The following ETFA variants were observed in gnomAD, a reference collection of about 807,000 sequenced individuals.
The protein encoded by ETFA is electron transfer flavoprotein subunit alpha, mitochondrial.
ETFA carries 22 observed loss-of-function variants against 46.2 expected under a neutral mutation model. The ratio of observed to expected loss-of-function variants is 0.48; its 90% CI spans 0.34 to 0.68. The LOEUF (loss-of-function observed/expected upper bound fraction) is 0.68, where lower values mean the gene tolerates loss of function less well. ETFA is among the 30% of genes least tolerant of loss of function. ETFA has a pLI of 0.01. For missense variants in ETFA, 345 were observed against 401.1 expected (o/e 0.86, Z 1.19); for synonymous variants, 131 against 139.9 (o/e 0.94, Z 0.45).
intron 1 of ETFA, among the ~76,000 whole-genome samples, chr15:76,299,355 C>G (rs1301995769): frequency 6.6e-6 from 1 of 152,206 alleles, no homozygotes; most frequent in Non-Finnish European, 1.5e-5. Context: ...ACAATCACAG[C>G]TCTCTGCAGC....
intron 9 of ETFA, among the ~76,000 whole-genome samples, chr15:76,249,951 G>C (rs1247496734): frequency 6.6e-6 from 1 of 152,036 alleles, no homozygotes; most frequent in Non-Finnish European, 1.5e-5. Flanking sequence ...GTCAAAATCT[G>C]GTAAAGCTAG....
chr15:76,216,338 G>T lies in ETFA; in HGVS notation c.*221C>A. 1.9e-6 allele frequency: 1 copy of T among 530,648 alleles called. No individual in the cohort carries two copies. Among genetic ancestry groups the T allele is most frequent in the Non-Finnish European group, 3.3e-6 (1 of 301,458 alleles). The allele number at this position is 530,648 out of a possible 1,614,324, so 32.9% of individuals were successfully genotyped here. On this transcript the variant is annotated 3_prime_UTR_variant, in exon 12 of 12. Coordinates refer to ENST00000557943, the MANE Select transcript of ETFA (RefSeq NM_000126.4). ...AAGCTTTATTATAGATTTTAGTACA[G>T]AATTTAAAAAGTTCAAACAATAATT... is the stretch of plus-strand genomic sequence containing the variant.
chr15:76,305,862 GTT>G (rs58091811), intron 1 of ETFA, among the ~76,000 whole-genome samples: 4 of 143,768 alleles, frequency 2.8e-5, no homozygotes, highest in Admixed American at 2.1e-4. Context: ...CTCAATAGTT[GTT>G]TTTTTTTTTT....
At chr15:76,290,644 A>G (rs1169048017) in intron 4 of ETFA, among the ~76,000 whole-genome samples, 2 of 152,174 alleles carry the variant, frequency 1.3e-5, no homozygotes, top group East Asian at 3.9e-4. Flanking sequence ...TGCCCAAGTC[A>G]TACTCTTAAG....
Position 76,264,770 on chromosome 15 carries a change from G to C in ETFA, c.816+9642C>G, listed in dbSNP as rs1212479215. On this transcript the variant is annotated intron_variant, in intron 9 of 11. Coordinates refer to ENST00000557943, the MANE Select transcript of ETFA (RefSeq NM_000126.4). ...TTTTAGCTAAGGCTATGGCTGGATTGAAAGTAGGAAAGAATATGTCCCGTT... is the reference window on the plus strand; with the variant it reads ...TTTTAGCTAAGGCTATGGCTGGATTCAAAGTAGGAAAGAATATGTCCCGTT... Among the ~76,000 whole-genome samples, 3 of 152,338 alleles carry C rather than the reference G, an allele frequency of 2.0e-5. No homozygotes were observed. In the East Asian group the frequency reaches 5.8e-4, roughly 29 times the overall value.
chr15:76,276,569 C>T (rs561554705), intron 8 of ETFA, among the ~76,000 whole-genome samples: 3 of 152,050 alleles, frequency 2.0e-5, no homozygotes, highest in Non-Finnish European at 2.9e-5. Flanking sequence ...ACATGTTATA[C>T]TCTTAGAAGC....
chr15:76,227,219 G>A (rs144051186), intron 10 of ETFA, among the ~76,000 whole-genome samples: 2,058 of 151,994 alleles, frequency 0.014, 25 homozygotes, highest in Middle Eastern at 0.024. Flanking sequence ...GCAACACAGG[G>A]AGACCCCATC....
chr15:76,274,173 T>G (rs991640160), intron 9 of ETFA: 1 of 513,684 alleles, frequency 1.9e-6, no homozygotes, highest in Non-Finnish European at 3.5e-6. Context: ...ATGACTTAAT[T>G]TGATAAAATG....
chr15:76,271,192 T>C (rs1304579676), intron 9 of ETFA, among the ~76,000 whole-genome samples: 5 of 146,098 alleles, frequency 3.4e-5, no homozygotes, highest in African/African-American at 1.3e-4. Context: ...AAAAAAAAAG[T>C]TTGAGGAAAA....
In ETFA at chr15:76,259,365, A is replaced by C. The variant is rs1420007125; in HGVS notation, c.816+15047T>G. 4.4e-6 allele frequency: 7 copies of C among 1,584,272 alleles called. No individual in the cohort carries two copies. The East Asian group carries it at 1.1e-4, about 25-fold the overall frequency. ...GGGGTCAGCACTCCAGCACTGGTACATGAGATCATACAAAAGGTCGTCTGA... is the reference window on the plus strand; with the variant it reads ...GGGGTCAGCACTCCAGCACTGGTACCTGAGATCATACAAAAGGTCGTCTGA... On this transcript the variant is annotated intron_variant, in intron 9 of 11. Transcript: ENST00000557943.
intron 1 of ETFA, among the ~76,000 whole-genome samples, 199 bp from the exon 2 acceptor site, chr15:76,295,936 C>CCTTTTTTTTTTTTTTTTTTTTTTTT (rs2039816100): frequency 4.3e-5 from 2 of 46,602 alleles, no homozygotes; most frequent in African/African-American, 1.3e-4. Flanking sequence ...CACTAATATT[C>CCTTTTTTTTTTTTTTTTTTTTTTTT]TTTTTTTTTT....
chr15:76,220,882 T>C (rs2038950352), intron 11 of ETFA, among the ~76,000 whole-genome samples: 1 of 152,168 alleles, frequency 6.6e-6, no homozygotes, highest in South Asian at 2.1e-4. Flanking sequence ...TTGGTGGGAA[T>C]GTAAAAGGGG....
At chr15:76,303,745 T>G (rs2039906266) in intron 1 of ETFA, among the ~76,000 whole-genome samples, 1 of 152,134 alleles carries the variant, frequency 6.6e-6, no homozygotes, top group African/African-American at 2.4e-5. Context: ...AAAACCACAA[T>G]GAGACATCTC....
intron 9 of ETFA, among the ~76,000 whole-genome samples, chr15:76,249,503 G>A (rs1228599750): frequency 2.1e-5 from 3 of 145,408 alleles, no homozygotes; most frequent in African/African-American, 5.1e-5. Context: ...GTGCAGTGGC[G>A]CGATCTCGGC....
chr15:76,303,805 G>A (rs887250267), intron 1 of ETFA, among the ~76,000 whole-genome samples: 5 of 152,200 alleles, frequency 3.3e-5, no homozygotes, highest in African/African-American at 1.2e-4. Flanking sequence ...AACAGATGCT[G>A]GCAAGGTTGC....
In ETFA at chr15:76,233,998, C is replaced by T. The variant is rs559525620; in HGVS notation, c.817-2600G>A. On this transcript the variant is annotated intron_variant, in intron 9 of 11. Transcript: ENST00000557943. ...AAATTACTTAAAACCCCCTGTGTCC[C>T]CAAAAATGAATTCCATTGACTTTAA... Among the ~76,000 whole-genome samples, 11 of 152,214 alleles carry T rather than the reference C, an allele frequency of 7.2e-5. No homozygotes were observed. In the South Asian group the frequency reaches 1.0e-3, roughly 14 times the overall value.
chr15:76,260,339 T>C, intron 9 of ETFA: 1 of 1,369,994 alleles, frequency 7.3e-7, no homozygotes, highest in South Asian at 1.2e-5. Flanking sequence ...ACCACGTCTC[T>C]TTCGGTCTCT....
chr15:76,276,257 T>C (rs2039590383), intron 8 of ETFA, among the ~76,000 whole-genome samples: 1 of 152,100 alleles, frequency 6.6e-6, no homozygotes, highest in South Asian at 2.1e-4. Flanking sequence ...CTCTCAGCAC[T>C]TTAAACATTT....
chr15:76,279,001 C>T (rs936234855), intron 8 of ETFA, among the ~76,000 whole-genome samples: 2 of 152,160 alleles, frequency 1.3e-5, no homozygotes, highest in Non-Finnish European at 2.9e-5. Context: ...CTGGAGCATT[C>T]CCATCAGCAT....
Sources: gnomAD v4.1 joint callset for allele counts (sites outside exome capture counted in the v4.1 genomes callset) on GRCh38, gnomAD v4.1.1 for gene constraint, MANE v1.5 for transcripts, NCBI Gene and HGNC (gene_info 2026-07-23, HGNC 2026-07-21) for gene names.